Variants in STXBP5L observed in about 807,000 individuals in gnomAD.
The protein encoded by STXBP5L is syntaxin-binding protein 5-like.
Under a neutral mutation model 144.5 loss-of-function variants are expected in STXBP5L, and 65 were observed. The ratio of observed to expected loss-of-function variants is 0.45; its 90% CI spans 0.37 to 0.55. The LOEUF is 0.55. Ranked by LOEUF, STXBP5L falls within the 20% of genes least tolerant of loss-of-function variation. STXBP5L has a pLI of 0.00. For missense variants in STXBP5L, 1,298 were observed against 1,405.5 expected (o/e 0.92, Z 1.22); for synonymous variants, 505 against 469.6 (o/e 1.08, Z -0.97).
rs567967753 is a variant in STXBP5L at position 121,045,378 on chromosome 3, T to TA, written c.370-50dup. The TA allele has an allele frequency of 1.3e-4, 199 of 1,503,734 alleles. 2 individuals are homozygous for TA. The highest frequency in any genetic ancestry group is 8.3e-4 in the African/African-American group (59 of 70,958). 93.1% of individuals were successfully genotyped at this position (1,503,734 alleles called of 1,614,324 possible). A position where few individuals can be genotyped will look rare whatever the true frequency, so the allele number is the denominator to read the frequency against. On this transcript the variant is annotated intron_variant, in intron 4 of 26. Transcript: ENST00000471454. ...TTGAGTAAATTAGCTTGTTTGTGAT[T>TA]AAAAAAACCCTAAATTAAGTAAATC... is the stretch of plus-strand genomic sequence containing the variant.
chr3:120,965,388 T>G (rs943474333), intron 3 of STXBP5L, among the ~76,000 whole-genome samples: 1 of 152,222 alleles, frequency 6.6e-6, no homozygotes, highest in Non-Finnish European at 1.5e-5. Flanking sequence ...TCTTTATAAT[T>G]TGGCCTGTTT....
chr3:121,069,444 G>T (rs570859506), intron 5 of STXBP5L, among the ~76,000 whole-genome samples: 20 of 151,796 alleles, frequency 1.3e-4, no homozygotes, highest in African/African-American at 4.6e-4. Context: ...AAGTAAAGCT[G>T]CTATGATCAT....
chr3:121,171,906 C>G (rs143296996), intron 9 of STXBP5L, among the ~76,000 whole-genome samples: 9 of 152,134 alleles, frequency 5.9e-5, no homozygotes, highest in African/African-American at 1.9e-4. Flanking sequence ...CAATCCTAAG[C>G]GAAAAGAACA....
In STXBP5L at chr3:121,318,531, C is replaced by T; in HGVS notation, c.2167C>T (p.Pro723Ser). 1 of 1,554,334 alleles carries T rather than the reference C, an allele frequency of 6.4e-7. No individual in the cohort carries two copies. Among genetic ancestry groups the T allele is most frequent in the Non-Finnish European group, 8.7e-7 (1 of 1,149,430 alleles). ...CCTAGAACTTGAGCGCTGCAAGTCT[C>T]CTACCTCAGGTAAACATGAGTGGTA... is the stretch of plus-strand genomic sequence containing the variant. ...VPLELERCKS[P>S]TSDHVNGHCT... Residue 723 changes from proline (P) to serine (S), a missense_variant, in exon 20 of 27, where the codon CCT becomes TCT. Physicochemically the swap from Pro to Ser is moderately conservative, Grantham distance 74 (BLOSUM62 -1). Transcript: ENST00000471454.
At chr3:121,007,927 T>C (rs1389476466) in intron 3 of STXBP5L, among the ~76,000 whole-genome samples, 6 of 151,960 alleles carry the variant, frequency 3.9e-5, no homozygotes, top group Admixed American at 3.9e-4. Flanking sequence ...TTTATGACAT[T>C]AAAAAAAATT....
chr3:121,071,683 C>T (rs2041818021), intron 5 of STXBP5L, among the ~76,000 whole-genome samples: 1 of 152,184 alleles, frequency 6.6e-6, no homozygotes, highest in Admixed American at 6.5e-5. Context: ...CCCAGAGTCT[C>T]CAGGTTGGAA....
rs772614376 is a variant in STXBP5L, at chr3:121,233,576, T to C, written c.1112-40T>C. 4.6e-6 allele frequency: 7 copies of C among 1,513,142 alleles called. No homozygotes were observed. In the African/African-American group the frequency reaches 5.6e-5, roughly 12 times the overall value. 93.7% of individuals were successfully genotyped at this position (1,513,142 alleles called of 1,614,324 possible). A position where few individuals can be genotyped will look rare whatever the true frequency, so the allele number is the denominator to read the frequency against. ...GCAATTTTGCTGATTTTATAGTATA[T>C]ACAATATGAAAACTTTTCATTTTTT... On this transcript the variant is annotated intron_variant, in intron 11 of 26. Coordinates refer to ENST00000471454, the MANE Select transcript of STXBP5L (RefSeq NM_001308330.2).
In STXBP5L at chr3:121,319,830, T is replaced by C. The variant is rs189664926; in HGVS notation, c.2176+1290T>C. ...ACATACGTAACTTCAAATTTTGTTA[T>C]AGCTGGCCAGGCACAGTGGCTCATG... On this transcript the variant is annotated intron_variant, in intron 20 of 26. Coordinates refer to ENST00000471454, the MANE Select transcript of STXBP5L (RefSeq NM_001308330.2). 1.6e-3 allele frequency among the ~76,000 whole-genome samples: 250 copies of C among 152,300 alleles called. 3 individuals are homozygous for C. The highest frequency in any genetic ancestry group is 5.8e-3 in the African/African-American group (241 of 41,558).
At chr3:121,069,497 G>A (rs2041705961) in intron 5 of STXBP5L, among the ~76,000 whole-genome samples, 3 of 151,934 alleles carry the variant, frequency 2.0e-5, no homozygotes, top group African/African-American at 4.8e-5. Context: ...TCGTCTCTCG[G>A]TGTAATTTCC....
chr3:120,947,403 C>T (rs1216429530), intron 2 of STXBP5L, among the ~76,000 whole-genome samples: 2 of 151,684 alleles, frequency 1.3e-5, no homozygotes, highest in African/African-American at 4.8e-5. Flanking sequence ...TTATTGCATA[C>T]TTTGTCTCAT....
intron 3 of STXBP5L, among the ~76,000 whole-genome samples, chr3:120,990,439 C>G (rs951977123): frequency 3.3e-5 from 5 of 152,102 alleles, no homozygotes; most frequent in Non-Finnish European, 5.9e-5. Context: ...ACTTTCTTCA[C>G]AGAATTGGAA....
chr3:120,926,356 C>CTTTTTTTT (rs35029446), intron 2 of STXBP5L, among the ~76,000 whole-genome samples: 6 of 139,740 alleles, frequency 4.3e-5, no homozygotes, highest in Non-Finnish European at 4.6e-5. Context: ...GATGGCAGTT[C>CTTTTTTTT]TTTTTTTTTT....
chr3:121,038,464 CTT>C (rs1309778472), intron 3 of STXBP5L, among the ~76,000 whole-genome samples: 2 of 151,856 alleles, frequency 1.3e-5, no homozygotes, highest in Admixed American at 1.3e-4. Flanking sequence ...AAACTATACT[CTT>C]TATGATTTCA....
intron 20 of STXBP5L, among the ~76,000 whole-genome samples, chr3:121,341,952 A>G (rs1386744906): frequency 3.3e-5 from 5 of 152,050 alleles, no homozygotes; most frequent in Admixed American, 6.6e-5. Flanking sequence ...ACAGTCAACA[A>G]TAATTTATTG....
intron 7 of STXBP5L, among the ~76,000 whole-genome samples, chr3:121,150,755 C>A (rs1253631731): frequency 6.6e-6 from 1 of 151,970 alleles, no homozygotes; most frequent in Non-Finnish European, 1.5e-5. Flanking sequence ...AATCTCCTTG[C>A]CAATATCTCC....
intron 3 of STXBP5L, among the ~76,000 whole-genome samples, chr3:121,029,763 T>A (rs1946228280): frequency 6.6e-6 from 1 of 151,484 alleles, no homozygotes; most frequent in Non-Finnish European, 1.5e-5. Flanking sequence ...AATGGGAGAA[T>A]TTTTTTTGAA....
intron 3 of STXBP5L, among the ~76,000 whole-genome samples, chr3:120,975,663 C>A (rs1362058589): frequency 6.6e-6 from 1 of 151,418 alleles, no homozygotes; most frequent in African/African-American, 2.4e-5. Context: ...CCATTCAGTA[C>A]GATATTGGCT....
chr3:121,322,466 G>A (rs1438995655), intron 20 of STXBP5L, among the ~76,000 whole-genome samples: 8 of 106,016 alleles, frequency 7.5e-5, no homozygotes, highest in African/African-American at 1.9e-4. Context: ...CAACAAGAGC[G>A]AAACTGTGCC....
At chr3:121,148,287 A>C (rs1319656026) in intron 7 of STXBP5L, among the ~76,000 whole-genome samples, 1 of 152,154 alleles carries the variant, frequency 6.6e-6, no homozygotes, top group African/African-American at 2.4e-5. Flanking sequence ...GAAGGCACAA[A>C]AAATCACAAC....
Sources: gnomAD v4.1 joint callset for allele counts (sites outside exome capture counted in the v4.1 genomes callset) on GRCh38, gnomAD v4.1.1 for gene constraint, MANE v1.5 for transcripts, NCBI Gene and HGNC (gene_info 2026-07-23, HGNC 2026-07-21) for gene names.